SMPD4: variants seen among roughly 807,000 people sequenced by gnomAD.
SMPD4 encodes the protein neutral sphingomyelinase 3.
A neutral mutation model predicts 97.8 loss-of-function variants in SMPD4; 58 were observed. That is an observed-to-expected ratio of 0.59 (90% CI 0.48 to 0.74). The LOEUF (loss-of-function observed/expected upper bound fraction) is 0.74, where lower values mean the gene tolerates loss of function less well. Ranked by LOEUF, SMPD4 falls within the 30% of genes least tolerant of loss-of-function variation. The pLI, the probability that SMPD4 is intolerant of heterozygous loss-of-function variation, is 0.00. For synonymous variants in SMPD4, 388 were observed against 450.0 expected (o/e 0.86, Z 1.74); for missense variants, 853 against 1,080.5 (o/e 0.79, Z 2.95).
intron 3 of SMPD4, among the ~76,000 whole-genome samples, 184 bp from the exon 4 acceptor site, chr2:130,173,840 G>A (rs1161580502): frequency 6.6e-6 from 1 of 152,072 alleles, no homozygotes; most frequent in Non-Finnish European, 1.5e-5. Flanking sequence ...GCAGCTTTAC[G>A]TTCTTCCAGT....
At chr2:130,171,558 T>C (rs553463317) in intron 8 of SMPD4, among the ~76,000 whole-genome samples, 1 of 152,276 alleles carries the variant, frequency 6.6e-6, no homozygotes, top group South Asian at 2.1e-4. Flanking sequence ...TCAGCAACAT[T>C]TCAGGGTCAC....
intron 1 of SMPD4, among the ~76,000 whole-genome samples, chr2:130,180,435 C>T (rs551046477): frequency 6.6e-6 from 1 of 152,066 alleles, no homozygotes; most frequent in Non-Finnish European, 1.5e-5. Flanking sequence ...CCACGCCCGG[C>T]TAATTTTTGT....
upstream of SMPD4, chr2:130,181,711 G>A: frequency 1.9e-6 from 3 of 1,548,492 alleles, no homozygotes; most frequent in Non-Finnish European, 2.6e-6. Flanking sequence ...GCCGGGCGGG[G>A]AAGAGAAATG....
chr2:130,161,855 C>CAA (rs1687454564), intron 10 of SMPD4, among the ~76,000 whole-genome samples: 1 of 152,192 alleles, frequency 6.6e-6, no homozygotes, highest in Non-Finnish European at 1.5e-5. Flanking sequence ...GACTGGATTT[C>CAA]CCTGGGTTGT....
intron 14 of SMPD4, among the ~76,000 whole-genome samples, chr2:130,155,633 C>A (rs558037588): frequency 1.3e-5 from 2 of 151,910 alleles, no homozygotes; most frequent in Non-Finnish European, 2.9e-5. Flanking sequence ...CCAGGTGCCA[C>A]GGAAGCCTGG....
chr2:130,155,718 C>G (rs1289965363), intron 14 of SMPD4, among the ~76,000 whole-genome samples: 1 of 152,038 alleles, frequency 6.6e-6, no homozygotes, highest in Non-Finnish European at 1.5e-5. Flanking sequence ...CACCGCTGCT[C>G]TGTTCTGTGC....
At chr2:130,166,734 AG>A (rs2104866981) in intron 9 of SMPD4, among the ~76,000 whole-genome samples, 1 of 152,352 alleles carries the variant, frequency 6.6e-6, no homozygotes, top group South Asian at 2.1e-4. Context: ...GCCAGCACTC[AG>A]GAAGTGAGCC....
In SMPD4 at chr2:130,181,556, T is replaced by C. The variant is rs1243562876; in HGVS notation, c.-72A>G. The stretch of plus-strand genomic sequence containing the variant: ...TGTGGGATCCATAGCGTCGCTCGCC[T>C]CAGAGATGGAAGCCGCCATTCCGCC... On this transcript the variant is annotated 5_prime_UTR_variant, in exon 1 of 20. Coordinates refer to ENST00000680298, the MANE Select transcript of SMPD4 (RefSeq NM_017951.5). The C allele has an allele frequency of 7.5e-6, 12 of 1,606,370 alleles. No homozygotes were observed. The highest frequency in any genetic ancestry group is 8.5e-6 in the Non-Finnish European group (10 of 1,177,530).
chr2:130,157,496 G>A, intron 11 of SMPD4, 100 bp from the exon 12 acceptor site: 3 of 1,548,770 alleles, frequency 1.9e-6, no homozygotes, highest in Non-Finnish European at 2.6e-6. Flanking sequence ...CAGTTGCTCT[G>A]CTGCCCCCAC....
intron 1 of SMPD4, among the ~76,000 whole-genome samples, chr2:130,177,583 G>C (rs1689090105): frequency 6.6e-6 from 1 of 151,844 alleles, no homozygotes; most frequent in South Asian, 2.1e-4. Flanking sequence ...TATAATCCCA[G>C]CTACTCAGGA....
chr2:130,177,769 AG>A (rs1354341835), intron 1 of SMPD4, among the ~76,000 whole-genome samples: 3 of 152,136 alleles, frequency 2.0e-5, no homozygotes, highest in African/African-American at 7.2e-5. Context: ...CCAAGTTTGT[AG>A]TACTGAATCC....
intron 2 of SMPD4, among the ~76,000 whole-genome samples, chr2:130,175,508 G>A (rs1173184424): frequency 6.6e-6 from 1 of 152,008 alleles, no homozygotes; most frequent in Non-Finnish European, 1.5e-5. Flanking sequence ...CCTTTATTCG[G>A]TAGACACTGA....
chr2:130,178,108 A>G (rs1376801450), intron 1 of SMPD4, among the ~76,000 whole-genome samples: 1 of 152,226 alleles, frequency 6.6e-6, no homozygotes, highest in Non-Finnish European at 1.5e-5. Context: ...CTTCTTCCCT[A>G]GAGTCTCCAG....
intron 8 of SMPD4, among the ~76,000 whole-genome samples, chr2:130,170,471 A>AAAAAAAAAAAAAAAAAAAAC (rs1688346324): frequency 1.3e-5 from 2 of 151,000 alleles, no homozygotes; most frequent in African/African-American, 4.9e-5. Flanking sequence ...AAAAAAAAAA[A>AAAAAAAAAAAAAAAAAAAAC]AAAGCACACA....
intron 8 of SMPD4, among the ~76,000 whole-genome samples, chr2:130,169,231 G>T (rs1688208875): frequency 6.6e-6 from 1 of 152,152 alleles, no homozygotes; most frequent in South Asian, 2.1e-4. Context: ...TCAAGGTCAG[G>T]AAAGACAGAA....
intron 11 of SMPD4, chr2:130,157,620 A>G (rs1314417405): frequency 2.2e-6 from 2 of 908,194 alleles, no homozygotes; most frequent in Non-Finnish European, 3.3e-6. Flanking sequence ...GTGGTATGGA[A>G]GTGCTTGGCC....
chr2:130,151,739 T>C lies in SMPD4; in HGVS notation c.*816A>G, dbSNP rs1483339659. The C allele has an allele frequency of 6.7e-6, 1 of 149,782 alleles. No homozygotes were observed. Among genetic ancestry groups the C allele is most frequent in the Admixed American group, 6.7e-5 (1 of 14,898 alleles). The allele number at this position is 149,782 out of a possible 1,614,324, so 9.3% of individuals were successfully genotyped here. On this transcript the variant is annotated 3_prime_UTR_variant, in exon 20 of 20. Transcript: ENST00000680298. The stretch of plus-strand genomic sequence containing the variant: ...GGTTGCCATGTCTTTGAGCACTTGA[T>C]GTTACTGAAGTGACAATGCTTCTGA...
At position 130,174,908 on chromosome 2, in the gene SMPD4, C is replaced by G. The variant is rs1380629890; in HGVS notation, c.126+6G>C. On this transcript the variant is annotated splice_donor_region_variant and intron_variant, in intron 3 of 19. Coordinates refer to ENST00000680298, the MANE Select transcript of SMPD4 (RefSeq NM_017951.5). The stretch of plus-strand genomic sequence containing the variant: ...GCTCCAAAGAGAGACGTTAGCAGAG[C>G]TATACCTTTGCTGGAAAGTCCTCAA... 1 of 1,583,138 alleles carries G rather than the reference C, an allele frequency of 6.3e-7. No individual in the cohort carries two copies. Among genetic ancestry groups the G allele is most frequent in the Non-Finnish European group, 8.7e-7 (1 of 1,152,392 alleles).
rs770013974 is a variant in SMPD4 at position 130,176,539 on chromosome 2, G to C, written c.39+15C>G. ...TATGGCCACACTGACACTCATGCAA[G>C]CAGTTGATATTTACCAGTAGAAAGC... On this transcript the variant is annotated intron_variant, in intron 2 of 19. Coordinates refer to ENST00000680298, the MANE Select transcript of SMPD4 (RefSeq NM_017951.5). The C allele has an allele frequency of 3.7e-6, 6 of 1,600,802 alleles. No homozygotes were observed. Among genetic ancestry groups the C allele is most frequent in the Non-Finnish European group, 5.1e-6 (6 of 1,171,704 alleles).
Sources: allele counts gnomAD v4.1 joint callset (sites outside exome capture counted in the v4.1 genomes callset), GRCh38; gene constraint gnomAD v4.1.1; transcripts MANE v1.5; gene names NCBI Gene and HGNC (gene_info 2026-07-23, HGNC 2026-07-21).